The following ACOXL variants were observed in gnomAD, a reference collection of about 807,000 sequenced individuals.
The protein encoded by ACOXL is acyl-CoA oxidase like, also known as acyl-coenzyme A oxidase-like protein.
A neutral mutation model predicts 71.9 loss-of-function variants in ACOXL; 70 were observed. The ratio of observed to expected loss-of-function variants is 0.97; its 90% CI spans 0.80 to 1.19. The LOEUF is 1.19. Among genes scored for constraint, ACOXL ranks in the 50% most tolerant of loss-of-function variants. The pLI is 0.00. For missense variants in ACOXL, 703 were observed against 736.3 expected, an observed-to-expected ratio of 0.95 and a Z score of 0.52; for synonymous variants, 253 against 281.6, an observed-to-expected ratio of 0.90 and a Z score of 1.02.
chr2:111,108,503 C>G (rs1404761184), intron 17 of ACOXL, among the ~76,000 whole-genome samples: 1 of 151,328 alleles, frequency 6.6e-6, no homozygotes, highest in East Asian at 2.0e-4. Flanking sequence ...CTCAGCCTCC[C>G]AAGTAGCGAG....
At chr2:111,056,802 A>AAG (rs1203721373) in intron 16 of ACOXL, among the ~76,000 whole-genome samples, 4 of 151,666 alleles carry the variant, frequency 2.6e-5, no homozygotes, top group Non-Finnish European at 2.9e-5. Flanking sequence ...AAAAAAAAAA[A>AAG]AAAAAATTTC....
intron 16 of ACOXL, among the ~76,000 whole-genome samples, chr2:111,076,884 A>G (rs1269794757): frequency 6.6e-6 from 1 of 151,880 alleles, no homozygotes; most frequent in African/African-American, 2.4e-5. Flanking sequence ...GCATTCCTTG[A>G]CTGTGGCCAA....
chr2:110,959,971 G>C (rs968094611), intron 12 of ACOXL, among the ~76,000 whole-genome samples: 1 of 152,196 alleles, frequency 6.6e-6, no homozygotes, highest in Admixed American at 6.5e-5. Context: ...AGATCCAGGG[G>C]CTGGAAGGGA....
At chr2:111,008,566 C>T (rs910958251) in intron 14 of ACOXL, among the ~76,000 whole-genome samples, 1 of 152,212 alleles carries the variant, frequency 6.6e-6, no homozygotes, top group South Asian at 2.1e-4. Flanking sequence ...TCATTACAAA[C>T]AACGTTACAG....
chr2:110,754,354 G>C (rs1384567133), intron 1 of ACOXL, among the ~76,000 whole-genome samples: 1 of 152,056 alleles, frequency 6.6e-6, no homozygotes, highest in Non-Finnish European at 1.5e-5. Flanking sequence ...TTACAGGTGT[G>C]AGCCACCATG....
chr2:111,003,919 T>C (rs2063758824), intron 14 of ACOXL, among the ~76,000 whole-genome samples: 1 of 152,214 alleles, frequency 6.6e-6, no homozygotes, highest in Non-Finnish European at 1.5e-5. Flanking sequence ...AAAGATATGA[T>C]AAATTAAGGC....
intron 10 of ACOXL, among the ~76,000 whole-genome samples, chr2:110,861,252 T>C (rs1693920861): frequency 6.6e-6 from 1 of 151,450 alleles, no homozygotes; most frequent in African/African-American, 2.4e-5. Context: ...TCTGACTTTC[T>C]TTTTGCTTGA....
intron 9 of ACOXL, among the ~76,000 whole-genome samples, chr2:110,810,643 C>A (rs754676172): frequency 3.4e-4 from 51 of 152,222 alleles, no homozygotes; most frequent in Admixed American, 2.1e-3. Flanking sequence ...CATCCATCAT[C>A]CATCCATCCA....
intron 10 of ACOXL, among the ~76,000 whole-genome samples, chr2:110,906,735 G>C (rs916189659): frequency 6.6e-6 from 1 of 152,202 alleles, no homozygotes; most frequent in Non-Finnish European, 1.5e-5. Flanking sequence ...CATGCCCAAG[G>C]CTCTCTCTGC....
chr2:111,049,169 T>C, intron 15 of ACOXL, 49 bp from the exon 16 acceptor site: 1 of 1,418,502 alleles, frequency 7.0e-7, no homozygotes, highest in Non-Finnish European at 1.0e-6. Context: ...TCAGAAGGGC[T>C]CTGAGGCGGA....
At chr2:111,059,246 A>T (rs1469676243) in intron 16 of ACOXL, among the ~76,000 whole-genome samples, 1 of 152,224 alleles carries the variant, frequency 6.6e-6, no homozygotes, top group African/African-American at 2.4e-5. Context: ...CTATAAAATA[A>T]TAATAATAGT....
chr2:110,856,488 TTAGG>T (rs1182250803), intron 10 of ACOXL, among the ~76,000 whole-genome samples: 2 of 152,160 alleles, frequency 1.3e-5, no homozygotes, highest in East Asian at 3.8e-4. Flanking sequence ...AGTGTTTCCT[TTAGG>T]TAAAAAAGTG....
chr2:111,060,867 A>G (rs1053049590), intron 16 of ACOXL, among the ~76,000 whole-genome samples: 1 of 152,192 alleles, frequency 6.6e-6, no homozygotes, highest in African/African-American at 2.4e-5. Context: ...GAAAAATATA[A>G]CAACTGAAAT....
At chr2:110,905,901 A>C (rs567184408) in intron 10 of ACOXL, among the ~76,000 whole-genome samples, 2 of 152,324 alleles carry the variant, frequency 1.3e-5, no homozygotes, top group East Asian at 3.9e-4. Flanking sequence ...CAGCACAGGG[A>C]GAGGCACTGC....
At chr2:110,746,202 G>A (rs540550454) in intron 1 of ACOXL, among the ~76,000 whole-genome samples, 5 of 152,236 alleles carry the variant, frequency 3.3e-5, no homozygotes, top group South Asian at 2.1e-4. Context: ...AGGGGACTCC[G>A]ATTGCCGTCC....
At chr2:110,864,620 G>A (rs1405173399) in intron 10 of ACOXL, among the ~76,000 whole-genome samples, 1 of 152,226 alleles carries the variant, frequency 6.6e-6, no homozygotes, top group Non-Finnish European at 1.5e-5. Flanking sequence ...TTTCCAAGGA[G>A]ACCAAATGCT....
intron 9 of ACOXL, among the ~76,000 whole-genome samples, chr2:110,819,426 G>A (rs1194355183): frequency 2.0e-5 from 3 of 152,142 alleles, no homozygotes; most frequent in Non-Finnish European, 2.9e-5. Flanking sequence ...CAGGGTGGAG[G>A]CTCTGGGAGG....
chr2:111,041,603 C>T (rs900158040), intron 15 of ACOXL, among the ~76,000 whole-genome samples: 3 of 132,982 alleles, frequency 2.3e-5, no homozygotes, highest in East Asian at 2.2e-4. Context: ...TGGCTGCCCC[C>T]GGCTCTACAC....
intron 14 of ACOXL, among the ~76,000 whole-genome samples, chr2:111,000,538 T>C (rs925652740): frequency 6.6e-6 from 1 of 152,200 alleles, no homozygotes; most frequent in African/African-American, 2.4e-5. Flanking sequence ...ACAACAGAGA[T>C]TTATTTTCTC....
Sources: allele counts gnomAD v4.1 joint callset (sites outside exome capture counted in the v4.1 genomes callset), GRCh38; gene constraint gnomAD v4.1.1; transcripts MANE v1.5; gene names NCBI Gene and HGNC (gene_info 2026-07-23, HGNC 2026-07-21).